ACOT11: variants seen among roughly 807,000 people sequenced by gnomAD.
ACOT11 encodes the protein acyl-CoA thioesterase 11.
In ACOT11, 69 loss-of-function variants were observed where a neutral mutation model predicts 77.5. The observed-to-expected ratio is 0.89, with a 90% CI of 0.73 to 1.09. The LOEUF (loss-of-function observed/expected upper bound fraction) is 1.09. Ranked by LOEUF, ACOT11 falls within the 50% of genes least tolerant of loss-of-function variation. The pLI, the probability that ACOT11 is intolerant of heterozygous loss-of-function variation, is 0.00. For missense variants in ACOT11, 766 were observed against 813.7 expected (o/e 0.94, Z 0.71); for synonymous variants, 279 against 313.0 (o/e 0.89, Z 1.15).
chr1:54,628,591 T>A (rs1156565300), intron 15 of ACOT11, among the ~76,000 whole-genome samples: 1 of 81,728 alleles, frequency 1.2e-5, no homozygotes, highest in Admixed American at 1.4e-4. Context: ...CAAGACCCCA[T>A]CGCCCCCCCC....
chr1:54,614,775 C>G, downstream of ACOT11: 1 of 1,614,090 alleles, frequency 6.2e-7, no homozygotes, highest in African/African-American at 1.3e-5. Context: ...TATGGGCCGC[C>G]GGACTTTGCC....
intron 1 of ACOT11, 58 bp downstream of exon 1, chr1:54,548,400 G>C (rs1324879855): frequency 6.4e-7 from 1 of 1,557,080 alleles, no homozygotes; most frequent in Non-Finnish European, 8.7e-7. Context: ...CCCAGAAAGA[G>C]ATTGATGTTT....
At chr1:54,554,507 T>G (rs765585992) in intron 1 of ACOT11, among the ~76,000 whole-genome samples, 16 of 143,282 alleles carry the variant, frequency 1.1e-4, no homozygotes, top group Non-Finnish European at 2.3e-4. Context: ...TATGCACCAC[T>G]GTGCCCAGCT....
intron 15 of ACOT11, among the ~76,000 whole-genome samples, chr1:54,629,172 A>G (rs1644287228): frequency 7.4e-6 from 1 of 134,386 alleles, no homozygotes. Flanking sequence ...CCCAAAAATC[A>G]TAAGAAAATA....
intron 5 of ACOT11, 88 bp downstream of exon 5, chr1:54,594,127 G>T: frequency 1.7e-6 from 2 of 1,202,710 alleles, no homozygotes; most frequent in Non-Finnish European, 2.4e-6. Flanking sequence ...TGAGGTTAGG[G>T]GTTGGCAGAG....
chr1:54,599,181 AATATATATATATATAT>A (rs1189803916), intron 7 of ACOT11, 99 bp from the exon 8 acceptor site: 4,346 of 33,588 alleles, frequency 0.13, 313 homozygotes, highest in South Asian at 0.17. Context: ...AAAAAAAAAA[AATATATATATATATAT>A]ATATATATAT....
At chr1:54,599,513 G>A in intron 8 of ACOT11, 98 bp downstream of exon 8, 5 of 1,279,356 alleles carry the variant, frequency 3.9e-6, no homozygotes, top group African/African-American at 1.5e-5. Context: ...GGAGCCCTTT[G>A]CCCTGCAGAC....
At chr1:54,590,257 A>G (rs1654660288) in intron 3 of ACOT11, among the ~76,000 whole-genome samples, 1 of 152,068 alleles carries the variant, frequency 6.6e-6, no homozygotes, top group Non-Finnish European at 1.5e-5. Context: ...CTGTGGTGCA[A>G]TTAACATGTT....
intron 15 of ACOT11, among the ~76,000 whole-genome samples, chr1:54,628,605 CA>C (rs397790655): frequency 1.1e-4 from 12 of 112,554 alleles, no homozygotes; most frequent in African/African-American, 1.8e-4. Flanking sequence ...CCCCCCCCCC[CA>C]AAAAAGGAAA....
intron 15 of ACOT11, chr1:54,630,718 C>CTT (rs749357713): frequency 2.9e-6 from 2 of 690,856 alleles, no homozygotes; most frequent in Non-Finnish European, 2.7e-6. Flanking sequence ...CTCTGTGTGT[C>CTT]TTTTAATTCC....
chr1:54,607,403 A>C lies in ACOT11; in HGVS notation c.1502+138A>C. On this transcript the variant is annotated intron_variant, in intron 14 of 15. Transcript: ENST00000343744. This position sits in a 1 kb window ranked among gnomAD's most constrained non-coding sequence, Gnocchi z 4.5. ...TGGCTGTGGGGCCCCAGGCACCACT[A>C]GACTTTTCTGGGCTGCTGTGGCTTT... The C allele has an allele frequency of 7.8e-7, 1 of 1,279,412 alleles. No individual in the cohort carries two copies. Among genetic ancestry groups the C allele is most frequent in the Non-Finnish European group, 1.1e-6 (1 of 921,926 alleles). 79.3% of individuals were successfully genotyped at this position (1,279,412 alleles called of 1,614,324 possible).
intron 12 of ACOT11, 75 bp downstream of exon 12, chr1:54,604,504 T>C: frequency 7.6e-7 from 1 of 1,309,446 alleles, no homozygotes; most frequent in South Asian, 1.2e-5. Flanking sequence ...ACAAGAACTC[T>C]CCCACACCAC....
chr1:54,609,032 T>TTCTACACCACCTTCAAGGCTTGTG lies in ACOT11; in HGVS notation c.1706_1729dup (p.Cys576_Glu577insValTyrThrThrPheLysAlaCys), dbSNP rs748765141. ...CAACGTGGCCGGCCTCTCCTCTGAG[T>TTCTACACCACCTTCAAGGCTTGTG]TCTACACCACCTTCAAGGCTTGTGA... On this transcript the variant is annotated inframe_insertion, in exon 16 of 16. Transcript: ENST00000343744. 2.5e-6 allele frequency: 4 copies of TTCTACACCACCTTCAAGGCTTGTG among 1,602,498 alleles called. No homozygotes were observed. The South Asian group carries it at 4.4e-5, about 18-fold the overall frequency.
intron 15 of ACOT11, among the ~76,000 whole-genome samples, chr1:54,622,906 G>A (rs928551377): frequency 6.6e-6 from 1 of 152,024 alleles, no homozygotes; most frequent in African/African-American, 2.4e-5. Context: ...CAGGCATGAT[G>A]ACTCACACCT....
At chr1:54,633,767 A>G (rs534417588) in intron 16 of ACOT11, among the ~76,000 whole-genome samples, 2 of 152,236 alleles carry the variant, frequency 1.3e-5, no homozygotes, top group South Asian at 2.1e-4. Context: ...AGGCATTCCT[A>G]CCTATGCCAG....
intron 1 of ACOT11, among the ~76,000 whole-genome samples, chr1:54,574,001 C>G (rs1201732367): frequency 6.6e-6 from 1 of 150,964 alleles, no homozygotes; most frequent in Non-Finnish European, 1.5e-5. Context: ...TGCACTCCAG[C>G]CTGGGCAACA....
At chr1:54,614,605 G>T (rs1035440496), downstream of ACOT11, 52 of 1,295,756 alleles carry the variant, frequency 4.0e-5, no homozygotes, top group Non-Finnish European at 5.4e-5. Flanking sequence ...AGTATGATTG[G>T]AGACAAACTC....
chr1:54,634,777 A>C lies in ACOT11; in HGVS notation c.*48A>C, dbSNP rs1249443681. On this transcript the variant is annotated 3_prime_UTR_variant, in exon 17 of 17. Transcript: ENST00000371316. ...CAAGGAAGAGACTCTGGGAGGATCCAGAGGACCCCCTGGTTGCAGCCACGT... is the reference window on the plus strand; with the variant it reads ...CAAGGAAGAGACTCTGGGAGGATCCCGAGGACCCCCTGGTTGCAGCCACGT... 2.9e-6 allele frequency: 2 copies of C among 699,696 alleles called. 1 individual carries two copies. Among genetic ancestry groups the C allele is most frequent in the Admixed American group, 4.1e-5 (2 of 49,284 alleles). 43.3% of individuals were successfully genotyped at this position (699,696 alleles called of 1,614,324 possible).
At chr1:54,582,132 T>C (rs2100975768) in intron 1 of ACOT11, among the ~76,000 whole-genome samples, 1 of 152,226 alleles carries the variant, frequency 6.6e-6, no homozygotes, top group Non-Finnish European at 1.5e-5. Context: ...TCTGACAGGG[T>C]TCTAGAGCTT....
Sources: allele counts gnomAD v4.1 joint callset (sites outside exome capture counted in the v4.1 genomes callset), GRCh38; gene constraint gnomAD v4.1.1; non-coding constraint Gnocchi (gnomAD v3.1); transcripts MANE v1.5; gene names NCBI Gene and HGNC (gene_info 2026-07-23, HGNC 2026-07-21).